The following DCDC2C variants were observed in gnomAD, a reference collection of about 807,000 sequenced individuals.
DCDC2C encodes doublecortin domain-containing protein 2C.
Under a neutral mutation model 45.0 loss-of-function variants are expected in DCDC2C, and 44 were observed. That is an observed-to-expected ratio of 0.98 (90% CI 0.77 to 1.26). The LOEUF is 1.26. DCDC2C is among the 50% of genes most tolerant of loss of function. The pLI, the probability that DCDC2C is intolerant of heterozygous loss-of-function variation, is 0.00. For missense variants in DCDC2C, 447 were observed against 468.9 expected (o/e 0.95, Z 0.43); for synonymous variants, 187 against 178.8 (o/e 1.05, Z -0.37).
At chr2:3,714,583 T>C (rs1668302118) in intron 2 of DCDC2C, among the ~76,000 whole-genome samples, 1 of 152,212 alleles carries the variant, frequency 6.6e-6, no homozygotes, top group Non-Finnish European at 1.5e-5. Context: ...TTAGACCACA[T>C]TTTTGTCATG....
chr2:3,727,172 T>G, intron 3 of DCDC2C, 93 bp downstream of exon 3: 1 of 1,033,366 alleles, frequency 9.7e-7, no homozygotes. Flanking sequence ...TCAGCCCCCT[T>G]TCTGTCCCTC....
intron 3 of DCDC2C, among the ~76,000 whole-genome samples, chr2:3,735,542 G>A (rs1669000642): frequency 6.6e-6 from 1 of 152,088 alleles, no homozygotes; most frequent in Non-Finnish European, 1.5e-5. Context: ...TTGGATTACA[G>A]TTGAGTTTCC....
At position 3,708,617 on chromosome 2, in the gene DCDC2C, A is replaced by G. The variant is rs991903528; in HGVS notation, c.339+17A>G. On this transcript the variant is annotated intron_variant, in intron 2 of 10. Coordinates refer to ENST00000399143, the MANE Select transcript of DCDC2C (RefSeq NM_001287444.2). ...TTGAAGGAAGTAAGTGTTTGCTTCT[A>G]ACAACTAATAATGGAATAAATTGGC... 5.8e-6 allele frequency: 9 copies of G among 1,539,494 alleles called. No homozygotes were observed. The highest frequency in any genetic ancestry group is 2.4e-5 in the East Asian group (1 of 40,858).
At chr2:3,714,953 G>A (rs1039391391) in intron 2 of DCDC2C, among the ~76,000 whole-genome samples, 5 of 152,094 alleles carry the variant, frequency 3.3e-5, no homozygotes, top group African/African-American at 1.2e-4. Context: ...GCTCATTGTA[G>A]AAAAATGAGA....
intron 10 of DCDC2C, among the ~76,000 whole-genome samples, chr2:3,794,077 CCT>C (rs1572623121): frequency 6.6e-6 from 1 of 152,054 alleles, no homozygotes; most frequent in African/African-American, 2.4e-5. Context: ...CTTTTTATTC[CCT>C]GTTACATTAA....
At chr2:3,766,832 G>C (rs1037136255) in intron 6 of DCDC2C, among the ~76,000 whole-genome samples, 5 of 152,252 alleles carry the variant, frequency 3.3e-5, no homozygotes, top group African/African-American at 9.6e-5. Flanking sequence ...TTATGGGATA[G>C]AAGTGTAATG....
intron 10 of DCDC2C, among the ~76,000 whole-genome samples, chr2:3,819,868 A>G (rs1671645532): frequency 6.6e-6 from 1 of 152,304 alleles, no homozygotes; most frequent in South Asian, 2.1e-4. Context: ...ACTGTAAGCC[A>G]GACTGGGTGT....
At chr2:3,817,341 A>G (rs1344798304) in intron 10 of DCDC2C, among the ~76,000 whole-genome samples, 5 of 152,142 alleles carry the variant, frequency 3.3e-5, no homozygotes, top group African/African-American at 1.2e-4. Flanking sequence ...TTTTGCCCAT[A>G]TAACAGCATG....
intron 2 of DCDC2C, among the ~76,000 whole-genome samples, chr2:3,722,528 C>T (rs947791230): frequency 9.9e-5 from 15 of 152,078 alleles, no homozygotes; most frequent in South Asian, 4.1e-4. Flanking sequence ...TTGAGTCTTC[C>T]GTCTTTGATT....
chr2:3,799,694 A>G (rs1449113219), intron 10 of DCDC2C, among the ~76,000 whole-genome samples: 9 of 152,254 alleles, frequency 5.9e-5, no homozygotes, highest in African/African-American at 1.2e-4. Flanking sequence ...GTCAGGGGTC[A>G]GGGACCCACT....
intron 10 of DCDC2C, among the ~76,000 whole-genome samples, chr2:3,810,379 C>A (rs1256949671): frequency 6.6e-6 from 1 of 152,202 alleles, no homozygotes; most frequent in Non-Finnish European, 1.5e-5. Flanking sequence ...TTGTTAGCCA[C>A]ATAAATGTCT....
At chr2:3,819,172 G>A (rs1671626905) in intron 10 of DCDC2C, among the ~76,000 whole-genome samples, 1 of 152,228 alleles carries the variant, frequency 6.6e-6, no homozygotes, top group Non-Finnish European at 1.5e-5. Context: ...GTCTTCAGCT[G>A]CTAAGCCAAG....
At chr2:3,711,117 C>T (rs1323572827) in intron 2 of DCDC2C, among the ~76,000 whole-genome samples, 1 of 152,120 alleles carries the variant, frequency 6.6e-6, no homozygotes, top group Non-Finnish European at 1.5e-5. Context: ...AGCCATTCTG[C>T]TATTATTAAA....
At position 3,847,143 on chromosome 2, in the gene DCDC2C, A is replaced by G; in HGVS notation, c.1066-11A>G. On this transcript the variant is annotated splice_polypyrimidine_tract_variant and intron_variant, in intron 10 of 10. Transcript: ENST00000399143. Reference sequence around the variant, plus strand: ...ATGTTCTCTGTTAACCTGCTTTTCTATGTCTTCCAGATGGCCCGGGAGTGG... The same window carrying G: ...ATGTTCTCTGTTAACCTGCTTTTCTGTGTCTTCCAGATGGCCCGGGAGTGG... 1.5e-5 allele frequency: 19 copies of G among 1,231,494 alleles called. No individual in the cohort carries two copies. The highest frequency in any genetic ancestry group is 4.1e-5 in the South Asian group (1 of 24,314). 76.3% of individuals were successfully genotyped at this position (1,231,494 alleles called of 1,614,324 possible). A position where few individuals can be genotyped will look rare whatever the true frequency, so the allele number is the denominator to read the frequency against.
At chr2:3,758,279 C>A (rs1405122853) in intron 6 of DCDC2C, among the ~76,000 whole-genome samples, 1 of 152,188 alleles carries the variant, frequency 6.6e-6, no homozygotes, top group Non-Finnish European at 1.5e-5. Flanking sequence ...CTCAGGACTC[C>A]TGTGGGCAGC....
In DCDC2C at chr2:3,802,299, T is replaced by C. The variant is rs373743908; in HGVS notation, c.1065+17199T>C. Among the ~76,000 whole-genome samples, 11 of 152,362 alleles carry C rather than the reference T, an allele frequency of 7.2e-5. No individual in the cohort carries two copies. The East Asian group carries it at 2.1e-3, about 29-fold the overall frequency. Reference sequence around the variant, plus strand: ...GAACTCTGGGGTGAAAGTCAGGTACTGCAAACAGTGTAGGTTTGACTGTTT... The same window carrying C: ...GAACTCTGGGGTGAAAGTCAGGTACCGCAAACAGTGTAGGTTTGACTGTTT... On this transcript the variant is annotated intron_variant, in intron 10 of 10. Transcript: ENST00000399143.
intron 1 of DCDC2C, among the ~76,000 whole-genome samples, chr2:3,704,797 G>T (rs1160246168): frequency 6.6e-6 from 1 of 150,966 alleles, no homozygotes; most frequent in Non-Finnish European, 1.5e-5. Flanking sequence ...ATCGCTCAGG[G>T]TGACCCCTCT....
intron 2 of DCDC2C, among the ~76,000 whole-genome samples, chr2:3,721,115 T>TA (rs2148061997): frequency 1.3e-5 from 2 of 152,322 alleles, no homozygotes; most frequent in East Asian, 3.9e-4. Context: ...TTCCTGATAT[T>TA]ATTTGTGTCT....
At chr2:3,806,089 G>C (rs1671236657) in intron 10 of DCDC2C, among the ~76,000 whole-genome samples, 1 of 152,074 alleles carries the variant, frequency 6.6e-6, no homozygotes, top group South Asian at 2.1e-4. Context: ...TCCTGCCTTG[G>C]CCTCCCAAAG....
Sources: gnomAD v4.1 joint callset for allele counts (sites outside exome capture counted in the v4.1 genomes callset) on GRCh38, gnomAD v4.1.1 for gene constraint, MANE v1.5 for transcripts, NCBI Gene and HGNC (gene_info 2026-07-23, HGNC 2026-07-21) for gene names.